WDR31: variants seen among roughly 807,000 people sequenced by gnomAD.
The protein encoded by WDR31 is WD repeat domain 31.
In WDR31, 30 loss-of-function variants were observed where a neutral mutation model predicts 47.3. The ratio of observed to expected loss-of-function variants is 0.63; its 90% CI spans 0.47 to 0.86. The LOEUF is 0.86. Ranked by LOEUF, WDR31 falls within the 40% of genes least tolerant of loss-of-function variation. The pLI, the probability that WDR31 is intolerant of heterozygous loss-of-function variation, is 0.00. For synonymous variants in WDR31, 137 were observed against 159.4 expected (o/e 0.86, Z 1.06); for missense variants, 406 against 442.9 (o/e 0.92, Z 0.75).
At chr9:113,318,409 G>A in intron 10 of WDR31, 66 bp downstream of exon 10, 2 of 1,586,884 alleles carry the variant, frequency 1.3e-6, no homozygotes, top group Non-Finnish European at 8.6e-7. Context: ...ATGGGAAGAA[G>A]GAGTTTTAAA....
At chr9:113,323,667 T>C (rs943383592) in intron 5 of WDR31, among the ~76,000 whole-genome samples, 26 of 152,252 alleles carry the variant, frequency 1.7e-4, no homozygotes, top group Non-Finnish European at 3.1e-4. Flanking sequence ...CTACCTTTCC[T>C]TTATGTAGCA....
At chr9:113,324,721 C>G (rs1833415336) in intron 5 of WDR31, among the ~76,000 whole-genome samples, 1 of 151,884 alleles carries the variant, frequency 6.6e-6, no homozygotes, top group African/African-American at 2.4e-5. Flanking sequence ...TGAAAAATAG[C>G]CCACTGTATG....
intron 4 of WDR31, among the ~76,000 whole-genome samples, chr9:113,329,594 G>C (rs1833549973): frequency 6.6e-6 from 1 of 151,998 alleles, no homozygotes; most frequent in Non-Finnish European, 1.5e-5. Flanking sequence ...GAGCCACCCT[G>C]CCTGGCCTAG....
At chr9:113,334,229 C>T (rs1187605799) in intron 2 of WDR31, among the ~76,000 whole-genome samples, 1 of 152,070 alleles carries the variant, frequency 6.6e-6, no homozygotes, top group South Asian at 2.1e-4. Context: ...AAGCAATCCA[C>T]GTGCCTTGGC....
At chr9:113,322,649 TA>T (rs1218454296) in intron 7 of WDR31, among the ~76,000 whole-genome samples, 161 bp downstream of exon 7, 1 of 152,116 alleles carries the variant, frequency 6.6e-6, no homozygotes, top group East Asian at 1.9e-4. Context: ...ACATCTAATC[TA>T]ATAACCCTGA....
At chr9:113,320,167 G>A (rs1040194365) in intron 9 of WDR31, among the ~76,000 whole-genome samples, 190 bp downstream of exon 9, 5 of 152,080 alleles carry the variant, frequency 3.3e-5, no homozygotes, top group Admixed American at 2.0e-4. Flanking sequence ...TAATCCTCCC[G>A]CCTTGGCCTC....
intron 1 of WDR31, among the ~76,000 whole-genome samples, chr9:113,339,302 T>C (rs1833780023): frequency 6.6e-6 from 1 of 152,240 alleles, no homozygotes; most frequent in South Asian, 2.1e-4. Context: ...CTCAGAGGGC[T>C]GTGACTTGCT....
In WDR31 at chr9:113,314,490, G is replaced by A. The variant is rs983935962; in HGVS notation, c.*2259C>T. ...GGCCTCACAAAGTGCTGGGATTACA[G>A]GCATGAGCCAACGCGTCCGGCAGAA... is the stretch of plus-strand genomic sequence containing the variant. On this transcript the variant is annotated 3_prime_UTR_variant, in exon 11 of 11. Transcript: ENST00000374193. 4 of 152,118 alleles carry A rather than the reference G, an allele frequency of 2.6e-5. No homozygotes were observed. Among genetic ancestry groups the A allele is most frequent in the African/African-American group, 9.7e-5 (4 of 41,416 alleles). 9.4% of individuals were successfully genotyped at this position (152,118 alleles called of 1,614,324 possible). A position where few individuals can be genotyped will look rare whatever the true frequency, so the allele number is the denominator to read the frequency against.
intron 10 of WDR31, among the ~76,000 whole-genome samples, chr9:113,317,933 T>C (rs1833244559): frequency 6.6e-6 from 1 of 152,248 alleles, no homozygotes; most frequent in African/African-American, 2.4e-5. Context: ...CAAAAAATCC[T>C]GAATATTTAA....
In WDR31 at chr9:113,321,595, G is replaced by T. The variant is rs1480306936; in HGVS notation, c.571-17C>A. The stretch of plus-strand genomic sequence containing the variant: ...GTGAGTGACCTAGAAAAAGCAAAAT[G>T]TTCAGAACTTCTCCACACCAAGTCA... On this transcript the variant is annotated splice_polypyrimidine_tract_variant and intron_variant, in intron 7 of 10. Coordinates refer to ENST00000374193, the MANE Select transcript of WDR31 (RefSeq NM_001012361.4). 5 of 1,612,730 alleles carry T rather than the reference G, an allele frequency of 3.1e-6. No homozygotes were observed. The East Asian group carries it at 1.1e-4, about 36-fold the overall frequency.
At chr9:113,321,729 C>T in intron 7 of WDR31, 151 bp from the exon 8 acceptor site, 1 of 710,404 alleles carries the variant, frequency 1.4e-6, no homozygotes. Flanking sequence ...TTTGCAGATA[C>T]CTATCAGTCA....
chr9:113,316,883 C>G lies in WDR31; in HGVS notation c.970G>C (p.Gly324Arg), dbSNP rs781318506. 4 of 1,613,978 alleles carry G rather than the reference C, an allele frequency of 2.5e-6. No individual in the cohort carries two copies. The highest frequency in any genetic ancestry group is 2.5e-6 in the Non-Finnish European group (3 of 1,179,952). The change falls in exon 11 of 11, where the codon GGA becomes CGA. Residue 324 changes from glycine to arginine, a missense_variant. Coordinates refer to ENST00000374193, the MANE Select transcript of WDR31 (RefSeq NM_001012361.4). ...GCCAGAGAAGTCAAGGGTCCTGATC[C>G]ATCCAGAGACAAGGTGAAAAGGCAG... ...GACLFTLSLD[G>R]SGPLTSLAVG...
chr9:113,338,516 A>G (rs949431023), intron 1 of WDR31, among the ~76,000 whole-genome samples: 2 of 152,224 alleles, frequency 1.3e-5, no homozygotes, highest in East Asian at 1.9e-4. Context: ...TTTTGTATCT[A>G]TGATTTGACC....
intron 10 of WDR31, among the ~76,000 whole-genome samples, chr9:113,317,679 T>G (rs1564293885): frequency 6.6e-6 from 1 of 152,230 alleles, no homozygotes; most frequent in Non-Finnish European, 1.5e-5. Context: ...TGAGAGGAGC[T>G]GAGTTCTAGA....
At chr9:113,321,624 C>G in intron 7 of WDR31, 46 bp from the exon 8 acceptor site, 1 of 1,564,402 alleles carries the variant, frequency 6.4e-7, no homozygotes, top group Non-Finnish European at 8.8e-7. Flanking sequence ...CAAGTCATTC[C>G]TCTGCTGTAA....
In WDR31 at chr9:113,316,843, A is replaced by G; in HGVS notation, c.1010T>C (p.Ile337Thr). Residue 337 changes from isoleucine (I) to threonine (T), a missense_variant, in exon 11 of 11, where the codon ATC (isoleucine) becomes ACC (threonine). Ile to Thr is a moderately conservative substitution (Grantham distance 89). Transcript: ENST00000374193. ...GTTAAAACTTGCACACAATAAGGAG[A>G]TGGCGTCACCAACAGCCAGAGAAGT... Reference protein sequence around the residue: ...PLTSLAVGDAISLLCASFNRG... With the variant: ...PLTSLAVGDATSLLCASFNRG... 1 of 1,614,166 alleles carries G rather than the reference A, an allele frequency of 6.2e-7. No homozygotes were observed. Among genetic ancestry groups the G allele is most frequent in the Non-Finnish European group, 8.5e-7 (1 of 1,180,038 alleles).
At chr9:113,328,982 A>G in intron 4 of WDR31, 27 bp from the exon 5 acceptor site, 1 of 1,592,740 alleles carries the variant, frequency 6.3e-7, no homozygotes, top group Non-Finnish European at 8.6e-7. Context: ...TTGTAGTTTC[A>G]TTACTCAATT....
In WDR31 at chr9:113,331,984, T is replaced by A. The variant is rs1435821464; in HGVS notation, c.39A>T (p.Pro13=). Residue 13 remains proline, a synonymous_variant, in exon 3 of 11, where the codon CCA becomes CCT. Coordinates refer to ENST00000374193, the MANE Select transcript of WDR31 (RefSeq NM_001012361.4). Reference sequence around the variant, plus strand: ...CACAAAACCTAAACGAAACCTTCTGTGGAGGAGCTTGTTTCAGTTGGCACC... The same window carrying A: ...CACAAAACCTAAACGAAACCTTCTGAGGAGGAGCTTGTTTCAGTTGGCACC... The part of the protein sequence containing the change: ...LLRCQLKQAP[P]QKVSFRFCVV... 6.2e-7 allele frequency: 1 copy of A among 1,613,860 alleles called. No individual in the cohort carries two copies. The highest frequency in any genetic ancestry group is 2.2e-5 in the East Asian group (1 of 44,892).
chr9:113,318,365 T>G, intron 10 of WDR31, 110 bp downstream of exon 10: 1 of 1,257,872 alleles, frequency 7.9e-7, no homozygotes, highest in Non-Finnish European at 1.1e-6. Context: ...GACTGGACAG[T>G]GGCAGAAGAT....
Sources: allele counts gnomAD v4.1 joint callset (sites outside exome capture counted in the v4.1 genomes callset), GRCh38; gene constraint gnomAD v4.1.1; transcripts MANE v1.5; gene names NCBI Gene and HGNC (gene_info 2026-07-23, HGNC 2026-07-21).